STATH: variants seen among roughly 807,000 people sequenced by gnomAD.
STATH encodes the protein statherin.
Under a neutral mutation model 13.3 loss-of-function variants are expected in STATH, and 11 were observed. That is an observed-to-expected ratio of 0.83 (90% confidence interval 0.52 to 1.37). STATH has a LOEUF of 1.37. STATH is among the 40% of genes most tolerant of loss of function. STATH has a pLI of 0.00. For synonymous variants in STATH, 25 were observed against 23.6 expected, an observed-to-expected ratio of 1.06 and a Z score of -0.17; for missense variants, 78 against 73.3, an observed-to-expected ratio of 1.06 and a Z score of -0.24.
Position 69,999,787 on chromosome 4 carries a change from TG to T in STATH, c.81del (p.Leu27PhefsTer45), listed in dbSNP as rs764949898. The stretch of plus-strand genomic sequence containing the variant: ...TTTCTTCATTTTTCACAGAAATTTT[TG>T]CGTAGAATTGGAAGATTCGGTGTAA... Reference protein sequence around the residue: ...IGADSSEEKFLRRIGRFGYGY... With the variant: ...IGADSSEEKFXRRIGRFGYGY... On this transcript the variant is annotated frameshift_variant, in exon 4 of 6. Transcript: ENST00000246895. LOFTEE classifies it high-confidence loss of function. The T allele has an allele frequency of 1.9e-6, 3 of 1,612,202 alleles. No individual in the cohort carries two copies. The highest frequency in any genetic ancestry group is 2.5e-6 in the Non-Finnish European group (3 of 1,178,932).
chr4:69,997,445 A>G (rs1284563676), intron 1 of STATH, among the ~76,000 whole-genome samples: 4 of 152,182 alleles, frequency 2.6e-5, no homozygotes, highest in Admixed American at 2.6e-4. Flanking sequence ...GAAGACCATT[A>G]CCTTTATATG....
chr4:69,997,425 T>A (rs1339430131), intron 1 of STATH, among the ~76,000 whole-genome samples: 4 of 152,138 alleles, frequency 2.6e-5, no homozygotes, highest in African/African-American at 9.7e-5. Context: ...GTAAAAGAGA[T>A]TAAAATAATG....
chr4:69,998,532 T>A, intron 2 of STATH, 44 bp downstream of exon 2: 5 of 1,518,006 alleles, frequency 3.3e-6, no homozygotes, highest in Non-Finnish European at 3.6e-6. Flanking sequence ...TCAGTACCTA[T>A]CCCAAGAGTC....
At chr4:69,997,864 C>T (rs773113249) in intron 1 of STATH, among the ~76,000 whole-genome samples, 2 of 152,110 alleles carry the variant, frequency 1.3e-5, no homozygotes, top group African/African-American at 4.8e-5. Context: ...CATTATAAAG[C>T]GATTGCCCAT....
At chr4:69,997,108 T>A (rs1724528167) in intron 1 of STATH, among the ~76,000 whole-genome samples, 3 of 151,614 alleles carry the variant, frequency 2.0e-5, no homozygotes, top group Admixed American at 2.0e-4. Context: ...CAGCTAAATT[T>A]TTATTATTAT....
chr4:69,998,283 A>T, intron 1 of STATH, 140 bp from the exon 2 acceptor site: 1 of 599,654 alleles, frequency 1.7e-6, no homozygotes, highest in Non-Finnish European at 3.0e-6. Flanking sequence ...TCCAAGTTTC[A>T]TGATGTCAGG....
chr4:69,999,542 G>T, intron 2 of STATH, 125 bp from the exon 3 acceptor site: 1 of 844,110 alleles, frequency 1.2e-6, no homozygotes, highest in South Asian at 1.8e-5. Context: ...AACTAATTTA[G>T]TGTCTATCGA....
chr4:70,000,102 G>T, intron 4 of STATH: 1 of 367,992 alleles, frequency 2.7e-6, no homozygotes, highest in Non-Finnish European at 5.0e-6. Context: ...TTCTAATTCT[G>T]TTAATTATAA....
At position 70,002,418 on chromosome 4, in the gene STATH, C is replaced by T. The variant is rs183022725; in HGVS notation, c.*263C>T. The T allele has an allele frequency of 1.3e-5, 2 of 151,786 alleles. No homozygotes were observed. The highest frequency in any genetic ancestry group is 2.4e-5 in the African/African-American group (1 of 41,480). 9.4% of individuals were successfully genotyped at this position (151,786 alleles called of 1,614,324 possible). A position where few individuals can be genotyped will look rare whatever the true frequency, so the allele number is the denominator to read the frequency against. ...TACTGTTTCTGAATAATAGAAATCA[C>T]TTCTCTAAAAGCAATAAATTTCAAG... is the stretch of plus-strand genomic sequence containing the variant. On this transcript the variant is annotated 3_prime_UTR_variant, in exon 6 of 6. Transcript: ENST00000246895.
Position 69,999,713 on chromosome 4 carries a change from A to C in STATH, c.72+26A>C, listed in dbSNP as rs773047183. The C allele has an allele frequency of 2.5e-6, 4 of 1,611,490 alleles. No homozygotes were observed. In the East Asian group the frequency reaches 8.9e-5, roughly 36 times the overall value. On this transcript the variant is annotated intron_variant, in intron 3 of 5. Coordinates refer to ENST00000246895, the MANE Select transcript of STATH (RefSeq NM_003154.3). ...GTGAGTCATTTTCATTCACTGGAAA[A>C]CTTGTTTTCAGTTTTGTCCTCCCTA...
chr4:70,000,810 C>A, intron 4 of STATH, 53 bp from the exon 5 acceptor site: 2 of 1,331,526 alleles, frequency 1.5e-6, no homozygotes, highest in Non-Finnish European at 2.2e-6. Context: ...AAAACGCTTG[C>A]ACTGTCATTA....
In STATH at chr4:69,999,771, T is replaced by C. The variant is rs780683918; in HGVS notation, c.73-9T>C. 5 of 1,612,148 alleles carry C rather than the reference T, an allele frequency of 3.1e-6. No homozygotes were observed. In the East Asian group the frequency reaches 6.7e-5, roughly 22 times the overall value. ...ATTGAATTATTAAACTTTTCTTCAT[T>C]TTTCACAGAAATTTTTGCGTAGAAT... On this transcript the variant is annotated splice_polypyrimidine_tract_variant and intron_variant, in intron 3 of 5. Coordinates refer to ENST00000246895, the MANE Select transcript of STATH (RefSeq NM_003154.3).
At chr4:69,998,274 C>T in intron 1 of STATH, 149 bp from the exon 2 acceptor site, 2 of 587,584 alleles carry the variant, frequency 3.4e-6, no homozygotes, top group South Asian at 4.4e-5. Context: ...CAACAAGTCT[C>T]CAAGTTTCAT....
intron 2 of STATH, 166 bp downstream of exon 2, chr4:69,998,654 G>A (rs1724571052): frequency 1.1e-5 from 5 of 466,204 alleles, no homozygotes; most frequent in Non-Finnish European, 1.5e-5. Context: ...AGCTATATAA[G>A]GATTTAGAAT....
chr4:69,996,205 A>G (rs1031662431), intron 1 of STATH, among the ~76,000 whole-genome samples, 180 bp downstream of exon 1: 2 of 152,168 alleles, frequency 1.3e-5, no homozygotes, highest in African/African-American at 2.4e-5. Context: ...CTGAATAACT[A>G]TACATTGAAA....
chr4:70,001,712 T>A (rs968237801), intron 5 of STATH, among the ~76,000 whole-genome samples: 1 of 151,778 alleles, frequency 6.6e-6, no homozygotes, highest in Non-Finnish European at 1.5e-5. Context: ...TAAGGGAGGA[T>A]TGTTCTACAA....
At chr4:69,996,975 T>A (rs925112161) in intron 1 of STATH, among the ~76,000 whole-genome samples, 1 of 150,970 alleles carries the variant, frequency 6.6e-6, no homozygotes, top group African/African-American at 2.4e-5. Flanking sequence ...TTCGCTCTTG[T>A]TGCCCAGGCT....
At chr4:69,996,252 T>C (rs1334162968) in intron 1 of STATH, among the ~76,000 whole-genome samples, 1 of 152,150 alleles carries the variant, frequency 6.6e-6, no homozygotes, top group Non-Finnish European at 1.5e-5. Flanking sequence ...ATGTGGAATA[T>C]GGAGACATAT....
intron 2 of STATH, chr4:69,999,102 C>T (rs923085876): frequency 7.2e-5 from 11 of 152,718 alleles, no homozygotes; most frequent in African/African-American, 2.4e-4. Context: ...TTCTATTTCT[C>T]CTGTCCCTTT....
Sources: gnomAD v4.1 joint callset for allele counts (sites outside exome capture counted in the v4.1 genomes callset) on GRCh38, gnomAD v4.1.1 for gene constraint, MANE v1.5 for transcripts, NCBI Gene and HGNC (gene_info 2026-07-23, HGNC 2026-07-21) for gene names.